Variants in TAPT1 observed in about 807,000 individuals in gnomAD.
The protein encoded by TAPT1 is transmembrane anterior posterior transformation protein 1 homolog.
In TAPT1, 28 loss-of-function variants were observed where a neutral mutation model predicts 65.6. The ratio of observed to expected loss-of-function variants is 0.43; its 90% confidence interval spans 0.32 to 0.59. TAPT1 has a LOEUF of 0.59. Ranked by LOEUF, TAPT1 falls within the 20% of genes least tolerant of loss-of-function variation. TAPT1 has a pLI of 0.09. For missense variants in TAPT1, 563 were observed against 679.9 expected, an observed-to-expected ratio of 0.83 and a Z score of 1.91; for synonymous variants, 278 against 245.2, an observed-to-expected ratio of 1.13 and a Z score of -1.25.
At chr4:16,211,694 C>T (rs2149710764) in intron 2 of TAPT1, among the ~76,000 whole-genome samples, 1 of 152,234 alleles carries the variant, frequency 6.6e-6, no homozygotes, top group Non-Finnish European at 1.5e-5. Flanking sequence ...TATACATTTA[C>T]ATTCATACAA....
chr4:16,205,817 G>A (rs933853374), intron 2 of TAPT1, among the ~76,000 whole-genome samples: 6 of 152,148 alleles, frequency 3.9e-5, no homozygotes, highest in African/African-American at 7.2e-5. Context: ...TAAAAATCAC[G>A]TTCAGTTCAT....
chr4:16,211,976 A>G (rs1750674014), intron 2 of TAPT1, among the ~76,000 whole-genome samples: 1 of 152,230 alleles, frequency 6.6e-6, no homozygotes, highest in African/African-American at 2.4e-5. Context: ...AATCTACCCC[A>G]AAACATTGCT....
At chr4:16,212,598 T>C (rs1207836169) in intron 2 of TAPT1, among the ~76,000 whole-genome samples, 1 of 152,170 alleles carries the variant, frequency 6.6e-6, no homozygotes, top group Non-Finnish European at 1.5e-5. Flanking sequence ...CCACTCCTCC[T>C]CCCTCCTTAT....
At chr4:16,197,930 G>A (rs1749812301) in intron 3 of TAPT1, among the ~76,000 whole-genome samples, 2 of 152,118 alleles carry the variant, frequency 1.3e-5, no homozygotes, top group African/African-American at 4.8e-5. Context: ...AACTATTTCA[G>A]TGAAGTATTC....
At chr4:16,222,518 T>A (rs1257643276) in intron 1 of TAPT1, among the ~76,000 whole-genome samples, 1 of 152,214 alleles carries the variant, frequency 6.6e-6, no homozygotes, top group Admixed American at 6.5e-5. Context: ...TTGGTTAAGT[T>A]TGGGGCCACT....
chr4:16,163,431 C>T lies in TAPT1; in HGVS notation c.1581G>A (p.Leu527=), dbSNP rs777380785. The T allele has an allele frequency of 7.4e-6, 12 of 1,613,820 alleles. No homozygotes were observed. Among genetic ancestry groups the T allele is most frequent in the Non-Finnish European group, 1.0e-5 (12 of 1,179,880 alleles). ...CCTTCTCGTCACCATCTGGAGTTGTCAAAAACTGATCAGAATTGCTTGTCA... is the reference window on the plus strand; with the variant it reads ...CCTTCTCGTCACCATCTGGAGTTGTTAAAAACTGATCAGAATTGCTTGTCA... ...LLVTSNSDQF[L]TTPDGDEKDI... The change falls in exon 14 of 14, where the codon TTG becomes TTA. Residue 527 remains leucine, a synonymous_variant. Coordinates refer to ENST00000405303, the MANE Select transcript of TAPT1 (RefSeq NM_153365.3).
intron 7 of TAPT1, among the ~76,000 whole-genome samples, chr4:16,179,866 C>A (rs555643377): frequency 4.0e-5 from 6 of 151,602 alleles, no homozygotes; most frequent in African/African-American, 1.5e-4. Flanking sequence ...CCATTGACTT[C>A]TTTTGCCAAC....
chr4:16,192,503 A>G (rs967537250), intron 3 of TAPT1, among the ~76,000 whole-genome samples: 3 of 152,196 alleles, frequency 2.0e-5, no homozygotes, highest in Non-Finnish European at 4.4e-5. Context: ...AATTAATATG[A>G]GCAGAAGAAT....
chr4:16,219,113 T>C (rs1344031842), intron 1 of TAPT1, among the ~76,000 whole-genome samples: 1 of 152,168 alleles, frequency 6.6e-6, no homozygotes, highest in Non-Finnish European at 1.5e-5. Flanking sequence ...GTTATGCCCA[T>C]TTTGCAGATG....
chr4:16,172,173 T>C (rs914782276), intron 11 of TAPT1, among the ~76,000 whole-genome samples: 6 of 152,174 alleles, frequency 3.9e-5, no homozygotes, highest in Non-Finnish European at 5.9e-5. Flanking sequence ...TTCATAAATA[T>C]TTTGGTATAA....
rs868069172 is a variant in TAPT1, at chr4:16,226,153, A to G, written c.199+106T>C. ...ACAGCCTGGGGAGCCCCGGGAGGCAACGGCAGCCGCGCGGCTCGGGGGCCG... is the reference window on the plus strand; with the variant it reads ...ACAGCCTGGGGAGCCCCGGGAGGCAGCGGCAGCCGCGCGGCTCGGGGGCCG... On this transcript the variant is annotated intron_variant, in intron 1 of 13. Transcript: ENST00000405303. 4.3e-5 allele frequency: 32 copies of G among 749,768 alleles called. No homozygotes were observed. In the African/African-American group the frequency reaches 5.5e-4, roughly 13 times the overall value. The allele number at this position is 749,768 out of a possible 1,614,324, so 46.4% of individuals were successfully genotyped here.
In TAPT1 at chr4:16,163,142, C is replaced by G; in HGVS notation, c.*166G>C. The stretch of plus-strand genomic sequence containing the variant: ...GTCGCTCCTGTCCTGTGGTCTGACC[C>G]TCAGCCAGGCCATATTACTGGAAGA... On this transcript the variant is annotated 3_prime_UTR_variant, in exon 14 of 14. Transcript: ENST00000405303. 1.5e-6 allele frequency: 1 copy of G among 665,992 alleles called. No individual in the cohort carries two copies. Among genetic ancestry groups the G allele is most frequent in the Non-Finnish European group, 2.7e-6 (1 of 371,116 alleles). The allele number at this position is 665,992 out of a possible 1,614,324, so 41.3% of individuals were successfully genotyped here. A position where few individuals can be genotyped will look rare whatever the true frequency, so the allele number is the denominator to read the frequency against.
At chr4:16,178,651 G>A (rs1241779697) in intron 8 of TAPT1, among the ~76,000 whole-genome samples, 1 of 152,160 alleles carries the variant, frequency 6.6e-6, no homozygotes, top group Non-Finnish European at 1.5e-5. Flanking sequence ...CATTGCCACA[G>A]TGCCTGTCCT....
upstream of TAPT1, chr4:16,226,503 G>C (rs1309141568): frequency 4.9e-6 from 5 of 1,021,384 alleles, no homozygotes; most frequent in Admixed American, 1.1e-4. Flanking sequence ...TCCAGCCTCT[G>C]CCTCCGGCCG....
chr4:16,170,418 C>CT (rs764070313), intron 12 of TAPT1, among the ~76,000 whole-genome samples: 4 of 152,188 alleles, frequency 2.6e-5, no homozygotes, highest in Non-Finnish European at 4.4e-5. Context: ...GCAAAAAGGG[C>CT]TTTAAGATTT....
At chr4:16,193,667 G>T (rs1217656973) in intron 3 of TAPT1, among the ~76,000 whole-genome samples, 1 of 152,172 alleles carries the variant, frequency 6.6e-6, no homozygotes, top group Non-Finnish European at 1.5e-5. Context: ...ACACTGAGAA[G>T]AGGAGACGTT....
chr4:16,225,774 C>G (rs2108906901), intron 1 of TAPT1: 9 of 555,182 alleles, frequency 1.6e-5, no homozygotes, highest in Non-Finnish European at 2.1e-5. Flanking sequence ...TTCATGGTCA[C>G]TACCACACCG....
At chr4:16,218,248 AC>A (rs1751050233) in intron 1 of TAPT1, among the ~76,000 whole-genome samples, 1 of 152,158 alleles carries the variant, frequency 6.6e-6, no homozygotes, top group Non-Finnish European at 1.5e-5. Context: ...TACTAAAAAT[AC>A]AAAAAATTAG....
chr4:16,180,164 G>A lies in TAPT1; in HGVS notation c.917-507C>T, dbSNP rs751396286. Among the ~76,000 whole-genome samples the A allele has an allele frequency of 2.5e-4, 38 of 152,230 alleles. No individual in the cohort carries two copies. In the Middle Eastern group the frequency reaches 0.01, roughly 41 times the overall value. On this transcript the variant is annotated intron_variant, in intron 7 of 13. Transcript: ENST00000405303. ...ATCCTGCTACTACAATAGCATTTCCGGGGGTGTATGTAGAACTTGAGGTAA... is the reference window on the plus strand; with the variant it reads ...ATCCTGCTACTACAATAGCATTTCCAGGGGTGTATGTAGAACTTGAGGTAA...
Sources: gnomAD v4.1 joint callset for allele counts (sites outside exome capture counted in the v4.1 genomes callset) on GRCh38, gnomAD v4.1.1 for gene constraint, MANE v1.5 for transcripts, NCBI Gene and HGNC (gene_info 2026-07-23, HGNC 2026-07-21) for gene names.